TENM4: variants seen among roughly 807,000 people sequenced by gnomAD.
TENM4 encodes teneurin-4.
Under a neutral mutation model 243.3 loss-of-function variants are expected in TENM4, and 82 were observed. That is an observed-to-expected ratio of 0.34 (90% CI 0.28 to 0.40). TENM4 has a LOEUF of 0.40. Among genes scored for constraint, TENM4 ranks in the 10% least tolerant of loss-of-function variants. The pLI is 1.00. For synonymous variants in TENM4, 1,412 were observed against 1,456.3 expected (o/e 0.97, Z 0.69); for missense variants, 3,138 against 3,673.3 (o/e 0.85, Z 3.77).
At chr11:78,925,978 A>T (rs1194325872) in intron 6 of TENM4, among the ~76,000 whole-genome samples, 1 of 152,012 alleles carries the variant, frequency 6.6e-6, no homozygotes, top group Non-Finnish European at 1.5e-5. Flanking sequence ...ACAACCCCAA[A>T]GCCCATATAT....
chr11:79,037,337 C>G (rs1859415218), intron 6 of TENM4, among the ~76,000 whole-genome samples: 1 of 152,178 alleles, frequency 6.6e-6, no homozygotes, highest in South Asian at 2.1e-4. Flanking sequence ...TCATAGTGAC[C>G]CTGGCCTTGG....
chr11:79,433,720 G>A (rs1565344933), intron 1 of TENM4, among the ~76,000 whole-genome samples: 2 of 152,178 alleles, frequency 1.3e-5, no homozygotes, highest in South Asian at 4.2e-4. Context: ...CCACTGCTCT[G>A]GAGATCCCAT....
chr11:78,884,423 G>A (rs506419), intron 9 of TENM4, among the ~76,000 whole-genome samples: 140,672 of 152,236 alleles, frequency 0.92, 65,648 homozygotes, highest in Non-Finnish European at 1. Flanking sequence ...CAGGGTCTGA[G>A]GTGAGATCTT....
At chr11:78,800,262 A>G (rs1857253449) in intron 15 of TENM4, among the ~76,000 whole-genome samples, 1 of 152,170 alleles carries the variant, frequency 6.6e-6, no homozygotes, top group African/African-American at 2.4e-5. Flanking sequence ...GAGTGTACCC[A>G]CTTTATGCAA....
intron 7 of TENM4, among the ~76,000 whole-genome samples, chr11:78,895,733 G>C (rs1855777904): frequency 6.6e-6 from 1 of 152,176 alleles, no homozygotes; most frequent in African/African-American, 2.4e-5. Context: ...CCCTCACACT[G>C]GTGGGTGCTA....
At chr11:78,704,159 C>CTATATATATATATATATATATATA (rs56026926) in intron 27 of TENM4, among the ~76,000 whole-genome samples, 26 of 106,008 alleles carry the variant, frequency 2.5e-4, no homozygotes, top group Non-Finnish European at 3.9e-4. Context: ...GTATGTGTGT[C>CTATATATATATATATATATATATA]TATATATATA....
chr11:78,688,795 C>A (rs1374300140), intron 28 of TENM4, among the ~76,000 whole-genome samples: 1 of 152,194 alleles, frequency 6.6e-6, no homozygotes, highest in Non-Finnish European at 1.5e-5. Flanking sequence ...TGTCTTGCCT[C>A]TTGCAACCCC....
chr11:79,406,236 C>A (rs945526571), intron 1 of TENM4, among the ~76,000 whole-genome samples: 3 of 152,138 alleles, frequency 2.0e-5, no homozygotes, highest in South Asian at 2.1e-4. Flanking sequence ...CTATTATTAA[C>A]CTAGTGCAAT....
At chr11:79,419,793 T>C (rs1195969375) in intron 1 of TENM4, among the ~76,000 whole-genome samples, 1 of 152,202 alleles carries the variant, frequency 6.6e-6, no homozygotes, top group Non-Finnish European at 1.5e-5. Context: ...TGACGTCCCA[T>C]GAACTGGCTT....
intron 6 of TENM4, among the ~76,000 whole-genome samples, chr11:79,033,400 G>A (rs187513897): frequency 1.7e-4 from 26 of 152,310 alleles, no homozygotes; most frequent in Non-Finnish European, 3.5e-4. Flanking sequence ...TACCCAAGAA[G>A]GAAGGATACT....
chr11:79,166,436 A>T (rs1862916024), intron 3 of TENM4, among the ~76,000 whole-genome samples: 1 of 152,216 alleles, frequency 6.6e-6, no homozygotes, highest in African/African-American at 2.4e-5. Flanking sequence ...GAGATGAATC[A>T]TACAATCCCT....
At chr11:78,952,330 G>A (rs1028540417) in intron 6 of TENM4, among the ~76,000 whole-genome samples, 4 of 152,240 alleles carry the variant, frequency 2.6e-5, no homozygotes, top group African/African-American at 9.6e-5. Flanking sequence ...TAAACTCGAG[G>A]AAGGATAGGG....
intron 3 of TENM4, among the ~76,000 whole-genome samples, chr11:79,180,837 G>T (rs924944365): frequency 1.3e-5 from 2 of 150,918 alleles, no homozygotes; most frequent in African/African-American, 4.9e-5. Context: ...AAGACAAATA[G>T]ATTATCTGAA....
chr11:78,910,358 GAA>G (rs1200575100), intron 6 of TENM4, among the ~76,000 whole-genome samples: 7 of 152,218 alleles, frequency 4.6e-5, no homozygotes, highest in African/African-American at 1.7e-4. Flanking sequence ...AATGCCAACA[GAA>G]AGAGTTATTT....
chr11:79,026,202 T>C (rs917990372), intron 6 of TENM4, among the ~76,000 whole-genome samples: 1 of 152,196 alleles, frequency 6.6e-6, no homozygotes, highest in African/African-American at 2.4e-5. Context: ...TTAAGGGTAT[T>C]CTACCAGTCC....
chr11:79,051,729 C>T (rs557647968), intron 6 of TENM4, among the ~76,000 whole-genome samples: 5 of 152,248 alleles, frequency 3.3e-5, no homozygotes, highest in Non-Finnish European at 5.9e-5. Context: ...CATAAATAAA[C>T]GTGTGTCATG....
In TENM4 at chr11:79,063,936, A is replaced by AT. The variant is rs879553614; in HGVS notation, c.493+801dup. Among the ~76,000 whole-genome samples, 1,470 of 150,922 alleles carry AT rather than the reference A, an allele frequency of 9.7e-3. 30 individuals carry two copies. The highest frequency in any genetic ancestry group is 0.034 in the African/African-American group (1,403 of 41,082). ...CCTCAAGTTTTAATCATTAAAGTTTATTTTTTTTTGTCTTTTTACTTTCTT... is the reference window on the plus strand; with the variant it reads ...CCTCAAGTTTTAATCATTAAAGTTTATTTTTTTTTTGTCTTTTTACTTTCTT... On this transcript the variant is annotated intron_variant, in intron 6 of 33. Coordinates refer to ENST00000278550, the MANE Select transcript of TENM4 (RefSeq NM_001098816.3).
At chr11:78,793,819 G>A (rs1442766531) in intron 15 of TENM4, among the ~76,000 whole-genome samples, 1 of 152,182 alleles carries the variant, frequency 6.6e-6, no homozygotes, top group African/African-American at 2.4e-5. Flanking sequence ...GAAATGAAAG[G>A]TGACTGTGAT....
rs1857867214 is a variant in TENM4, at chr11:78,655,427, C to G, written c.*2631G>C. On this transcript the variant is annotated 3_prime_UTR_variant, in exon 34 of 34. Transcript: ENST00000278550. Reference sequence around the variant, plus strand: ...CAGGCGCAGTGGCTCACACCTGTAACCCCAGCACTTCAGGAGGCCAAGGTG... The same window carrying G: ...CAGGCGCAGTGGCTCACACCTGTAAGCCCAGCACTTCAGGAGGCCAAGGTG... The G allele has an allele frequency of 6.6e-6, 1 of 151,974 alleles. No individual in the cohort carries two copies. Among genetic ancestry groups the G allele is most frequent in the Non-Finnish European group, 1.5e-5 (1 of 68,082 alleles). The allele number at this position is 151,974 out of a possible 1,614,324, so 9.4% of individuals were successfully genotyped here. A position where few individuals can be genotyped will look rare whatever the true frequency, so the allele number is the denominator to read the frequency against.
Sources: allele counts gnomAD v4.1 joint callset (sites outside exome capture counted in the v4.1 genomes callset), GRCh38; gene constraint gnomAD v4.1.1; transcripts MANE v1.5; gene names NCBI Gene and HGNC (gene_info 2026-07-23, HGNC 2026-07-21).